The following MAP2K6 variants were observed in gnomAD, a reference collection of about 807,000 sequenced individuals.
The protein encoded by MAP2K6 is mitogen-activated protein kinase kinase 6.
A neutral mutation model predicts 53.7 loss-of-function variants in MAP2K6; 16 were observed. That is an observed-to-expected ratio of 0.30 (90% CI 0.20 to 0.45). The LOEUF is 0.45. Ranked by LOEUF, MAP2K6 falls within the 20% of genes least tolerant of loss-of-function variation. MAP2K6 has a pLI of 1.00. For missense variants in MAP2K6, 204 were observed against 411.9 expected, an observed-to-expected ratio of 0.50 and a Z score of 4.37; for synonymous variants, 132 against 143.1, an observed-to-expected ratio of 0.92 and a Z score of 0.55.
intron 1 of MAP2K6, among the ~76,000 whole-genome samples, chr17:69,453,711 A>G (rs926029507): frequency 1.3e-5 from 2 of 152,184 alleles, no homozygotes; most frequent in African/African-American, 2.4e-5. Flanking sequence ...TTGTAAATGC[A>G]ATTTAGCAAT....
At chr17:69,478,350 C>T (rs540896455) in intron 1 of MAP2K6, among the ~76,000 whole-genome samples, 3 of 152,308 alleles carry the variant, frequency 2.0e-5, no homozygotes, top group Admixed American at 6.5e-5. Flanking sequence ...GGGGATATCA[C>T]TGTGTAACTT....
chr17:69,428,874 T>C (rs1648786199), intron 1 of MAP2K6, among the ~76,000 whole-genome samples: 1 of 150,946 alleles, frequency 6.6e-6, no homozygotes, highest in African/African-American at 2.4e-5. Flanking sequence ...GTTTTTTTTT[T>C]TTTTAATTGT....
chr17:69,474,877 T>C (rs1908091788), intron 1 of MAP2K6, among the ~76,000 whole-genome samples: 1 of 152,204 alleles, frequency 6.6e-6, no homozygotes, highest in Non-Finnish European at 1.5e-5. Flanking sequence ...TCCATCCCCT[T>C]TTTTCTTTAG....
intron 1 of MAP2K6, among the ~76,000 whole-genome samples, chr17:69,499,953 A>G (rs1458527639): frequency 6.6e-6 from 1 of 152,068 alleles, no homozygotes; most frequent in Admixed American, 6.6e-5. Flanking sequence ...GAATGTGTGG[A>G]TAGTAATCCT....
intron 1 of MAP2K6, among the ~76,000 whole-genome samples, chr17:69,486,087 C>T (rs1418485720): frequency 2.0e-5 from 3 of 152,116 alleles, no homozygotes; most frequent in Admixed American, 2.0e-4. Flanking sequence ...AAGTCTAGAA[C>T]ATATCATACT....
At chr17:69,502,796 G>A in intron 1 of MAP2K6, 7 of 747,638 alleles carry the variant, frequency 9.4e-6, no homozygotes, top group Non-Finnish European at 1.1e-5. Flanking sequence ...CTATTATTTT[G>A]GTCTTTTATT....
intron 1 of MAP2K6, among the ~76,000 whole-genome samples, chr17:69,418,223 T>C (rs1018710513): frequency 2.0e-5 from 3 of 152,192 alleles, no homozygotes; most frequent in South Asian, 2.1e-4. Context: ...GCTTGCTTTG[T>C]ATTAGCATTG....
intron 1 of MAP2K6, among the ~76,000 whole-genome samples, chr17:69,459,826 C>T (rs752068803): frequency 1.3e-5 from 2 of 151,054 alleles, no homozygotes; most frequent in Non-Finnish European, 3.0e-5. Flanking sequence ...TGCCTCCTTC[C>T]CTCCCTTCCT....
intron 1 of MAP2K6, among the ~76,000 whole-genome samples, chr17:69,430,880 G>C (rs1374641087): frequency 6.6e-6 from 1 of 152,200 alleles, no homozygotes; most frequent in Non-Finnish European, 1.5e-5. Context: ...AGTGCTAGAG[G>C]AAGGGTTATA....
In MAP2K6 at chr17:69,538,369, C is replaced by T. The variant is rs112784536; in HGVS notation, c.927+2209C>T. 2.6e-3 allele frequency among the ~76,000 whole-genome samples: 401 copies of T among 152,282 alleles called. 5 individuals are homozygous for T. Among genetic ancestry groups the T allele is most frequent in the African/African-American group, 9.2e-3 (381 of 41,548 alleles). ...GTTCTAACCCTGTGATATTTTATGG[C>T]CTACATATATATCAATGTTATAAAA... On this transcript the variant is annotated intron_variant, in intron 11 of 11. Transcript: ENST00000590474.
At chr17:69,476,584 C>G (rs963196296) in intron 1 of MAP2K6, among the ~76,000 whole-genome samples, 1 of 152,202 alleles carries the variant, frequency 6.6e-6, no homozygotes, top group East Asian at 1.9e-4. Flanking sequence ...GGATACTACA[C>G]TGATAGATTA....
At chr17:69,527,614 G>T (rs982959886) in intron 10 of MAP2K6, among the ~76,000 whole-genome samples, 6 of 152,208 alleles carry the variant, frequency 3.9e-5, no homozygotes, top group Admixed American at 3.9e-4. Context: ...CCTGAGCCAG[G>T]TTAGCGTATT....
At chr17:69,479,324 A>G (rs1407831929) in intron 1 of MAP2K6, among the ~76,000 whole-genome samples, 1 of 152,198 alleles carries the variant, frequency 6.6e-6, no homozygotes, top group Non-Finnish European at 1.5e-5. Context: ...TTTGAGCACC[A>G]ACATCATGCC....
chr17:69,534,626 C>T (rs1329602474), intron 10 of MAP2K6, among the ~76,000 whole-genome samples: 8 of 151,584 alleles, frequency 5.3e-5, no homozygotes, highest in African/African-American at 1.5e-4. Flanking sequence ...TGAACTACTT[C>T]GCTCTCTCAT....
chr17:69,445,353 G>A (rs1256492015), intron 1 of MAP2K6, among the ~76,000 whole-genome samples: 1 of 152,178 alleles, frequency 6.6e-6, no homozygotes, highest in Non-Finnish European at 1.5e-5. Flanking sequence ...AAGCAAAAGG[G>A]CTGGCTCAGC....
At chr17:69,527,483 A>T (rs1055842146) in intron 10 of MAP2K6, among the ~76,000 whole-genome samples, 3 of 152,222 alleles carry the variant, frequency 2.0e-5, no homozygotes, top group Non-Finnish European at 4.4e-5. Context: ...AAGAGGGGAA[A>T]GTATTCTCTA....
intron 1 of MAP2K6, among the ~76,000 whole-genome samples, chr17:69,471,435 A>G (rs74629777): frequency 0.016 from 2,509 of 152,278 alleles, 76 homozygotes; most frequent in African/African-American, 0.057. Flanking sequence ...AAAACAAAAT[A>G]CTGCATGTTC....
chr17:69,517,714 G>A (rs146452065), intron 4 of MAP2K6, 101 bp downstream of exon 4: 206 of 641,002 alleles, frequency 3.2e-4, no homozygotes, highest in African/African-American at 3.2e-3. Flanking sequence ...ACCATCTTCC[G>A]TAGGGTAAAA....
At chr17:69,453,226 T>C (rs1178455820) in intron 1 of MAP2K6, among the ~76,000 whole-genome samples, 1 of 152,222 alleles carries the variant, frequency 6.6e-6, no homozygotes, top group Non-Finnish European at 1.5e-5. Context: ...AGAGCAGTGG[T>C]CTGAAAACTT....
Sources: gnomAD v4.1 joint callset for allele counts (sites outside exome capture counted in the v4.1 genomes callset) on GRCh38, gnomAD v4.1.1 for gene constraint, MANE v1.5 for transcripts, NCBI Gene and HGNC (gene_info 2026-07-23, HGNC 2026-07-21) for gene names.